The following RRM2 variants were observed in gnomAD, a reference collection of about 807,000 sequenced individuals.
RRM2 encodes the protein ribonucleoside-diphosphate reductase subunit M2.
Under a neutral mutation model 45.9 loss-of-function variants are expected in RRM2, and 6 were observed. The ratio of observed to expected loss-of-function variants is 0.13; its 90% CI spans 0.07 to 0.26. The LOEUF is 0.26. RRM2 is among the 10% of genes least tolerant of loss of function. The pLI is 1.00. For missense variants in RRM2, 343 were observed against 489.5 expected, an observed-to-expected ratio of 0.70 and a Z score of 2.82; for synonymous variants, 177 against 173.0, an observed-to-expected ratio of 1.02 and a Z score of -0.18.
intron 5 of RRM2, among the ~76,000 whole-genome samples, chr2:10,125,326 A>G (rs1662755798): frequency 1.3e-5 from 2 of 152,194 alleles, no homozygotes; most frequent in Non-Finnish European, 2.9e-5. Context: ...AGTTTGGCTG[A>G]ATAAAGGTAG....
chr2:10,210,218 CTCCCTAGTGCCCAGTA>C, intron 3 of RRM2: 1 of 801,374 alleles, frequency 1.2e-6, no homozygotes, highest in Non-Finnish European at 1.9e-6. Context: ...CATGTTCCGG[CTCCCTAGTGCCCAGTA>C]TGTGTTTGGT....
Position 10,125,072 on chromosome 2 carries a change from C to G in RRM2, c.569+222C>G, listed in dbSNP as rs541876326. On this transcript the variant is annotated intron_variant, in intron 5 of 9. Coordinates refer to ENST00000304567, the MANE Select transcript of RRM2 (RefSeq NM_001034.4). ...ACTCCTTTTAAAGTTGGATGTCTAC[C>G]AATGTAAAACCTTCTTTTGAAAAAA... Among the ~76,000 whole-genome samples, 218 of 152,256 alleles carry G rather than the reference C, an allele frequency of 1.4e-3. 1 individual carries two copies. Among genetic ancestry groups the G allele is most frequent in the African/African-American group, 5.1e-3 (213 of 41,552 alleles).
chr2:10,198,394 A>G (rs915786149), intron 3 of RRM2, among the ~76,000 whole-genome samples: 2 of 149,276 alleles, frequency 1.3e-5, no homozygotes, highest in African/African-American at 4.9e-5. Flanking sequence ...GAGTCTCACC[A>G]TCTTTGGCCC....
At chr2:10,148,143 C>CAAAAAAAAAA (rs374826185) in intron 3 of RRM2, among the ~76,000 whole-genome samples, 2 of 119,566 alleles carry the variant, frequency 1.7e-5, no homozygotes, top group Admixed American at 9.2e-5. Flanking sequence ...GACCCTGACT[C>CAAAAAAAAAA]AAAAAAAAAA....
At chr2:10,194,665 C>T (rs181632454) in intron 3 of RRM2, among the ~76,000 whole-genome samples, 2 of 152,388 alleles carry the variant, frequency 1.3e-5, no homozygotes, top group East Asian at 3.9e-4. Flanking sequence ...CAAGTTAGCA[C>T]TTGCTGCCTA....
At chr2:10,131,890 C>T (rs1018760360), downstream of RRM2, among the ~76,000 whole-genome samples, 1 of 152,188 alleles carries the variant, frequency 6.6e-6, no homozygotes, top group Admixed American at 6.5e-5. Context: ...CCATACTGCA[C>T]GTGGGGTTTG....
intron 2 of RRM2, chr2:10,142,092 C>A: frequency 6.3e-7 from 1 of 1,585,950 alleles, no homozygotes; most frequent in Non-Finnish European, 8.6e-7. Context: ...GGGAGGAAAG[C>A]ATGTTTCAGG....
chr2:10,145,299 C>T (rs939698841), intron 3 of RRM2, among the ~76,000 whole-genome samples: 3 of 152,064 alleles, frequency 2.0e-5, no homozygotes, highest in Non-Finnish European at 4.4e-5. Context: ...GGGAGTGGCA[C>T]GGTGGTGAGT....
chr2:10,200,404 G>GAGGCCCACAGGGACTGCGCGCA (rs1664524714), intron 3 of RRM2, among the ~76,000 whole-genome samples: 1 of 129,766 alleles, frequency 7.7e-6, no homozygotes, highest in African/African-American at 2.8e-5. Context: ...GGGACTGCGC[G>GAGGCCCACAGGGACTGCGCGCA]CACAAAATAT....
intron 3 of RRM2, among the ~76,000 whole-genome samples, chr2:10,161,343 G>A (rs1663551174): frequency 6.6e-6 from 1 of 152,202 alleles, no homozygotes. Flanking sequence ...ACAGGCATGA[G>A]CCACTGCGCC....
intron 3 of RRM2, among the ~76,000 whole-genome samples, chr2:10,167,562 C>A (rs1663709552): frequency 6.6e-6 from 1 of 152,126 alleles, no homozygotes; most frequent in African/African-American, 2.4e-5. Context: ...TAGTCCTGGG[C>A]CAGGTTTTTT....
chr2:10,133,520 T>A (rs914501272), downstream of RRM2, among the ~76,000 whole-genome samples: 1 of 152,152 alleles, frequency 6.6e-6, no homozygotes, highest in Non-Finnish European at 1.5e-5. Context: ...TTAACTCCTC[T>A]TAGCAAGACA....
At position 10,122,765 on chromosome 2, in the gene RRM2, C is replaced by T. The variant is rs68002429; in HGVS notation, c.-34C>T. 6.8e-3 allele frequency: 10,585 copies of T among 1,563,388 alleles called. 605 individuals carry two copies. The African/African-American group carries it at 0.12, about 18-fold the overall frequency. On this transcript the variant is annotated 5_prime_UTR_variant, in exon 1 of 10. Coordinates refer to ENST00000304567, the MANE Select transcript of RRM2 (RefSeq NM_001034.4). ...TGCACCCTGTCCCAGCCGTCCTGTC[C>T]TGGCTGCTCGCTCTGCTTCGCTGCG...
At chr2:10,147,275 GT>G (rs891663329) in intron 3 of RRM2, among the ~76,000 whole-genome samples, 5 of 151,140 alleles carry the variant, frequency 3.3e-5, no homozygotes, top group Admixed American at 3.3e-4. Context: ...AAAGATAAGG[GT>G]TTTTTTTTGT....
At chr2:10,126,540 T>A (rs570480329) in intron 5 of RRM2, 1 of 242,844 alleles carries the variant, frequency 4.1e-6, no homozygotes, top group Admixed American at 5.3e-5. Flanking sequence ...TTCTTCAAAT[T>A]GAACAATGAT....
upstream of RRM2, among the ~76,000 whole-genome samples, chr2:10,139,740 G>T (rs1663046374): frequency 6.6e-6 from 1 of 152,210 alleles, no homozygotes; most frequent in South Asian, 2.1e-4. Flanking sequence ...TTGGAAGCAA[G>T]TCCTAGAACT....
intron 2 of RRM2, chr2:10,142,030 A>G (rs951985039): frequency 1.3e-6 from 2 of 1,586,182 alleles, no homozygotes; most frequent in Non-Finnish European, 1.7e-6. Flanking sequence ...TTGCTCTTTC[A>G]TGTGGGGAGC....
At chr2:10,167,275 G>A (rs1038640307) in intron 3 of RRM2, among the ~76,000 whole-genome samples, 2 of 152,236 alleles carry the variant, frequency 1.3e-5, no homozygotes, top group Admixed American at 1.3e-4. Context: ...GGAATGATGA[G>A]CCAGTGAAGG....
intron 3 of RRM2, among the ~76,000 whole-genome samples, chr2:10,156,949 A>G (rs1478407629): frequency 6.6e-6 from 1 of 150,996 alleles, no homozygotes; most frequent in African/African-American, 2.4e-5. Flanking sequence ...CAGCCAGAGG[A>G]ACGTTTCAGA....
Sources: allele counts gnomAD v4.1 joint callset (sites outside exome capture counted in the v4.1 genomes callset), GRCh38; gene constraint gnomAD v4.1.1; transcripts MANE v1.5; gene names NCBI Gene and HGNC (gene_info 2026-07-23, HGNC 2026-07-21).